POC5: variants seen among roughly 807,000 people sequenced by gnomAD.
POC5 encodes the protein centrosomal protein POC5.
POC5 carries 48 observed loss-of-function variants against 62.9 expected under a neutral mutation model. That is an observed-to-expected ratio of 0.76 (90% CI 0.61 to 0.97). The LOEUF is 0.97. Ranked by LOEUF, POC5 falls within the 50% of genes least tolerant of loss-of-function variation. The pLI is 0.00. For synonymous variants in POC5, 236 were observed against 228.2 expected (o/e 1.03, Z -0.31); for missense variants, 696 against 679.5 (o/e 1.02, Z -0.27).
intron 8 of POC5, 156 bp from the exon 9 acceptor site, chr5:75,689,321 C>G (rs1411180733): frequency 5.1e-6 from 5 of 984,900 alleles, no homozygotes; most frequent in Non-Finnish European, 6.0e-6. Context: ...TAAAAGGTAC[C>G]TCTTACCTCT....
intron 2 of POC5, among the ~76,000 whole-genome samples, chr5:75,711,836 G>T (rs1027725203): frequency 5.3e-5 from 8 of 152,182 alleles, no homozygotes; most frequent in Non-Finnish European, 1.2e-4. Context: ...TTGATTTAAA[G>T]CTTTATCTCT....
chr5:75,694,343 T>C (rs1580023043), intron 6 of POC5, among the ~76,000 whole-genome samples: 1 of 152,182 alleles, frequency 6.6e-6, no homozygotes, highest in Admixed American at 6.5e-5. Flanking sequence ...CATACTCTTT[T>C]TAAAAAAAAA....
chr5:75,692,867 AGAATATT>A (rs1776400051), intron 6 of POC5, among the ~76,000 whole-genome samples: 2 of 152,154 alleles, frequency 1.3e-5, no homozygotes, highest in East Asian at 3.9e-4. Flanking sequence ...GGCAGGGGCC[AGAATATT>A]TAGATATTTA....
rs1394009639 is a variant in POC5, at chr5:75,699,628, A to C, written c.513+2977T>G. ...CCAATATCATACTGAATGGGCAAAA[A>C]CTGGAAGCATTCCCTTTGAAAACTG... On this transcript the variant is annotated intron_variant, in intron 5 of 11. Transcript: ENST00000428202. 8.7e-5 allele frequency among the ~76,000 whole-genome samples: 12 copies of C among 137,704 alleles called. 1 individual carries two copies. Among genetic ancestry groups the C allele is most frequent in the Admixed American group, 3.7e-4 (5 of 13,632 alleles). 90.3% of individuals were successfully genotyped at this position (137,704 alleles called of 152,430 possible).
intron 6 of POC5, 148 bp downstream of exon 6, chr5:75,694,507 G>A: frequency 3.2e-6 from 2 of 620,460 alleles, no homozygotes; most frequent in Non-Finnish European, 5.2e-6. Context: ...ATGTTTAATA[G>A]GAAGAATAAA....
chr5:75,689,694 T>C (rs932648907), intron 8 of POC5: 35 of 983,408 alleles, frequency 3.6e-5, no homozygotes, highest in Non-Finnish European at 4.0e-5. Flanking sequence ...AGAAAATTAT[T>C]TGTATTATGG....
At chr5:75,677,677 A>G in intron 11 of POC5, 97 bp downstream of exon 11, 1 of 1,032,596 alleles carries the variant, frequency 9.7e-7, no homozygotes, top group Non-Finnish European at 1.3e-6. Flanking sequence ...AGTCATCATA[A>G]ATTTTTATCT....
At chr5:75,709,051 T>G (rs1454798131) in intron 2 of POC5, among the ~76,000 whole-genome samples, 1 of 152,168 alleles carries the variant, frequency 6.6e-6, no homozygotes, top group Admixed American at 6.5e-5. Context: ...CAGGCTGGTC[T>G]TGAACTCCTG....
At chr5:75,709,578 T>C (rs1356069778) in intron 2 of POC5, 1 of 152,184 alleles carries the variant, frequency 6.6e-6, no homozygotes, top group Non-Finnish European at 1.5e-5. Flanking sequence ...AGTTTTAGTA[T>C]ATGTGCTGCT....
At position 75,677,946 on chromosome 5, in the gene POC5, A is replaced by T. The variant is rs1483746961; in HGVS notation, c.1412T>A (p.Val471Glu). ...AATAASEEMY[V>E]PRVVTSAQQK... ...TTGTGCAGAGGTTACAACTCTTGGC[A>T]CATACTAAGAAGAAAAAAAAATAAA... Residue 471 changes from valine (V) to glutamate (E), a missense_variant, in exon 11 of 12, where the codon GTG becomes GAG. Val to Glu is a moderately radical substitution (Grantham distance 121, BLOSUM62 -2). Transcript: ENST00000428202. The T allele has an allele frequency of 2.9e-5, 44 of 1,533,058 alleles. No homozygotes were observed. Among genetic ancestry groups the T allele is most frequent in the Non-Finnish European group, 3.9e-5 (44 of 1,140,592 alleles). 95.0% of individuals were successfully genotyped at this position (1,533,058 alleles called of 1,614,324 possible).
intron 5 of POC5, among the ~76,000 whole-genome samples, chr5:75,697,635 A>G (rs1431347509): frequency 6.6e-6 from 1 of 152,184 alleles, no homozygotes; most frequent in East Asian, 1.9e-4. Flanking sequence ...GACTAGGAAG[A>G]AACTGCATCA....
chr5:75,713,054 T>C, intron 1 of POC5, 103 bp from the exon 2 acceptor site: 1 of 778,808 alleles, frequency 1.3e-6, no homozygotes, highest in Non-Finnish European at 2.0e-6. Context: ...GCAATCTTCC[T>C]GTGATATGCT....
intron 8 of POC5, 54 bp downstream of exon 8, chr5:75,690,329 T>C: frequency 6.9e-7 from 1 of 1,449,702 alleles, no homozygotes; most frequent in Non-Finnish European, 9.3e-7. Context: ...ATAGTGAGTC[T>C]ATCTATCTTT....
intron 2 of POC5, among the ~76,000 whole-genome samples, chr5:75,709,123 C>A (rs900948961): frequency 1.3e-5 from 2 of 152,198 alleles, no homozygotes; most frequent in Non-Finnish European, 2.9e-5. Flanking sequence ...AGCCACTGCA[C>A]CCGGCCTGAT....
At chr5:75,682,991 C>A (rs772986828) in intron 10 of POC5, among the ~76,000 whole-genome samples, 9 of 152,214 alleles carry the variant, frequency 5.9e-5, no homozygotes, top group Non-Finnish European at 1.3e-4. Flanking sequence ...CTAAAGGTGA[C>A]CACTTGTCTG....
At chr5:75,715,499 C>T (rs943803501) in intron 1 of POC5, among the ~76,000 whole-genome samples, 1 of 151,996 alleles carries the variant, frequency 6.6e-6, no homozygotes, top group Admixed American at 6.6e-5. Context: ...GAAAAACTAC[C>T]ATTTATAAAA....
intron 2 of POC5, among the ~76,000 whole-genome samples, chr5:75,708,761 A>G (rs938055811): frequency 2.6e-5 from 4 of 152,212 alleles, no homozygotes; most frequent in Non-Finnish European, 5.9e-5. Context: ...GAAAACTGCT[A>G]GCTTTTATGG....
chr5:75,688,727 G>T (rs1475618292), intron 9 of POC5, among the ~76,000 whole-genome samples: 1 of 152,172 alleles, frequency 6.6e-6, no homozygotes, highest in Non-Finnish European at 1.5e-5. Flanking sequence ...AGTTAAAAGA[G>T]ATTTAAAATA....
Position 75,699,368 on chromosome 5 carries a change from C to A in POC5, c.513+3237G>T, listed in dbSNP as rs1256732730. Among the ~76,000 whole-genome samples the A allele has an allele frequency of 7.9e-5, 12 of 152,138 alleles. No homozygotes were observed. The East Asian group carries it at 1.4e-3, about 17-fold the overall frequency. ...AGCAGCACATCAAAAAGCTTATCCA[C>A]CATGATCAAGTGGGCTTCATCCCTG... On this transcript the variant is annotated intron_variant, in intron 5 of 11. Transcript: ENST00000428202.
Sources: gnomAD v4.1 joint callset for allele counts (sites outside exome capture counted in the v4.1 genomes callset) on GRCh38, gnomAD v4.1.1 for gene constraint, MANE v1.5 for transcripts, NCBI Gene and HGNC (gene_info 2026-07-23, HGNC 2026-07-21) for gene names.